MAP2K6: variants seen among roughly 807,000 people sequenced by gnomAD.
The protein encoded by MAP2K6 is mitogen-activated protein kinase kinase 6, also known as dual specificity mitogen-activated protein kinase kinase 6.
Under a neutral mutation model 53.7 loss-of-function variants are expected in MAP2K6, and 16 were observed. That is an observed-to-expected ratio of 0.30 (90% CI 0.20 to 0.45). The LOEUF (loss-of-function observed/expected upper bound fraction) is 0.45, where lower values mean the gene tolerates loss of function less well. MAP2K6 is among the 20% of genes least tolerant of loss of function. The pLI is 1.00. For missense variants in MAP2K6, 204 were observed against 411.9 expected (o/e 0.50, Z 4.37); for synonymous variants, 132 against 143.1 (o/e 0.92, Z 0.55).
At chr17:69,496,493 G>A (rs907115395) in intron 1 of MAP2K6, among the ~76,000 whole-genome samples, 7 of 150,508 alleles carry the variant, frequency 4.7e-5, no homozygotes, top group Admixed American at 1.3e-4. Context: ...CTCAGCCTCC[G>A]GAGTAGCTGG....
chr17:69,483,884 G>T (rs1324958221), intron 1 of MAP2K6, among the ~76,000 whole-genome samples: 1 of 151,976 alleles, frequency 6.6e-6, no homozygotes, highest in African/African-American at 2.4e-5. Context: ...TGGACTGCTG[G>T]ATATACATAT....
intron 1 of MAP2K6, among the ~76,000 whole-genome samples, chr17:69,444,744 A>G (rs969269790): frequency 3.9e-5 from 6 of 152,256 alleles, no homozygotes; most frequent in Non-Finnish European, 8.8e-5. Context: ...TTAAGCTTCT[A>G]TAAGGGATAG....
At chr17:69,463,276 G>GTA (rs972619947) in intron 1 of MAP2K6, among the ~76,000 whole-genome samples, 1 of 150,400 alleles carries the variant, frequency 6.6e-6, no homozygotes, top group East Asian at 1.9e-4. Flanking sequence ...ATGTATGTGT[G>GTA]TATATATATG....
At chr17:69,433,706 A>T (rs1429629801) in intron 1 of MAP2K6, 1 of 152,238 alleles carries the variant, frequency 6.6e-6, no homozygotes, top group Non-Finnish European at 1.5e-5. Flanking sequence ...CCTCAAAGGG[A>T]AAGTGATTAT....
intron 10 of MAP2K6, among the ~76,000 whole-genome samples, chr17:69,533,329 AT>A (rs1318420226): frequency 6.6e-6 from 1 of 152,258 alleles, no homozygotes; most frequent in African/African-American, 2.4e-5. Context: ...TTTAAAAAAA[AT>A]ACAGTATTTT....
chr17:69,533,109 A>G (rs1397493773), intron 10 of MAP2K6, among the ~76,000 whole-genome samples: 3 of 152,002 alleles, frequency 2.0e-5, no homozygotes, highest in African/African-American at 7.3e-5. Flanking sequence ...TTGTATTTTT[A>G]GTAGAGTCGG....
intron 1 of MAP2K6, among the ~76,000 whole-genome samples, chr17:69,429,641 G>A (rs866372137): frequency 5.9e-5 from 9 of 152,164 alleles, no homozygotes; most frequent in South Asian, 2.1e-4. Context: ...TGTGATCTGG[G>A]TACCTTTAGT....
At chr17:69,502,797 G>A (rs1909237981) in intron 1 of MAP2K6, 1 of 736,748 alleles carries the variant, frequency 1.4e-6, no homozygotes. Context: ...TATTATTTTG[G>A]TCTTTTATTC....
chr17:69,514,591 C>T (rs578166423), intron 2 of MAP2K6, among the ~76,000 whole-genome samples: 81 of 152,124 alleles, frequency 5.3e-4, no homozygotes, highest in African/African-American at 1.8e-3. Flanking sequence ...GACTGAGTCT[C>T]GCTCTTGTCA....
rs1461010670 is a variant in MAP2K6 at position 69,495,680 on chromosome 17, A to G, written c.17-10100A>G. ...CCCACTCTGCCTTTTTTTTTGAAGC[A>G]AATTCTAGAATAATATCATTTCACT... On this transcript the variant is annotated intron_variant, in intron 1 of 11. Coordinates refer to ENST00000590474, the MANE Select transcript of MAP2K6 (RefSeq NM_002758.4). 2.0e-5 allele frequency among the ~76,000 whole-genome samples: 3 copies of G among 151,846 alleles called. No individual in the cohort carries two copies. In the East Asian group the frequency reaches 5.8e-4, roughly 29 times the overall value.
In MAP2K6 at chr17:69,548,739, A is replaced by G. The variant is rs921494298; in HGVS notation, c.*6986A>G. On this transcript the variant is annotated 3_prime_UTR_variant, in exon 12 of 12. Coordinates refer to ENST00000590474, the MANE Select transcript of MAP2K6 (RefSeq NM_002758.4). ...CTACCTGTTCCTGGTGACTACATAG[A>G]AGATGTGTTATTTTTCTGAGGTTTA... The G allele has an allele frequency of 2.4e-4, 36 of 152,172 alleles. No homozygotes were observed. Among genetic ancestry groups the G allele is most frequent in the African/African-American group, 8.4e-4 (35 of 41,440 alleles). The allele number at this position is 152,172 out of a possible 1,614,324, so 9.4% of individuals were successfully genotyped here.
chr17:69,465,712 T>G (rs1185665931), intron 1 of MAP2K6, among the ~76,000 whole-genome samples: 4 of 151,242 alleles, frequency 2.6e-5, no homozygotes, highest in African/African-American at 9.7e-5. Flanking sequence ...CCCTGCCTCC[T>G]GAGTTCAAGA....
chr17:69,441,753 C>T (rs1337232886), intron 1 of MAP2K6, among the ~76,000 whole-genome samples: 2 of 152,152 alleles, frequency 1.3e-5, no homozygotes, highest in Non-Finnish European at 2.9e-5. Context: ...TAGAAGATCT[C>T]CTCTGACACT....
intron 1 of MAP2K6, among the ~76,000 whole-genome samples, chr17:69,431,269 G>C (rs1263042115): frequency 6.6e-6 from 1 of 151,960 alleles, no homozygotes; most frequent in Non-Finnish European, 1.5e-5. Flanking sequence ...CTATACCACT[G>C]CTGTGTCCAA....
intron 1 of MAP2K6, among the ~76,000 whole-genome samples, chr17:69,470,453 C>T (rs552089491): frequency 7.2e-5 from 11 of 152,250 alleles, no homozygotes; most frequent in Admixed American, 7.2e-4. Context: ...GGAGGAAACC[C>T]TGCAAGGAAG....
chr17:69,537,085 G>A lies in MAP2K6; in HGVS notation c.927+925G>A, dbSNP rs1289937772. Among the ~76,000 whole-genome samples the A allele has an allele frequency of 5.7e-5, 8 of 141,242 alleles. 1 individual carries two copies. The East Asian group carries it at 8.8e-4, about 16-fold the overall frequency. The allele number at this position is 141,242 out of a possible 152,430, so 92.7% of individuals were successfully genotyped here. A position where few individuals can be genotyped will look rare whatever the true frequency, so the allele number is the denominator to read the frequency against. On this transcript the variant is annotated intron_variant, in intron 11 of 11. Transcript: ENST00000590474. The stretch of plus-strand genomic sequence containing the variant: ...CAACAGAGTGAGACCCTGTCTCAAA[G>A]AAAAACAAACAAACAAACAAACAAA...
chr17:69,500,202 G>A (rs1231947338), intron 1 of MAP2K6, among the ~76,000 whole-genome samples: 1 of 152,066 alleles, frequency 6.6e-6, no homozygotes, highest in African/African-American at 2.4e-5. Context: ...CACTTTGGGA[G>A]GCTAAGGCGG....
At chr17:69,430,329 C>T (rs1906420228) in intron 1 of MAP2K6, among the ~76,000 whole-genome samples, 1 of 151,878 alleles carries the variant, frequency 6.6e-6, no homozygotes, top group Non-Finnish European at 1.5e-5. Context: ...GAGCAAGACT[C>T]TGTCAAAAAG....
chr17:69,528,134 A>C (rs1351913181), intron 10 of MAP2K6, among the ~76,000 whole-genome samples: 4 of 139,604 alleles, frequency 2.9e-5, no homozygotes, highest in African/African-American at 8.0e-5. Context: ...AAAGCTGTGA[A>C]TACAGCATTC....
Sources: gnomAD v4.1 joint callset for allele counts (sites outside exome capture counted in the v4.1 genomes callset) on GRCh38, gnomAD v4.1.1 for gene constraint, MANE v1.5 for transcripts, NCBI Gene and HGNC (gene_info 2026-07-23, HGNC 2026-07-21) for gene names.